Variants in RFNG observed in about 807,000 individuals in gnomAD.
RFNG encodes the protein beta-1,3-N-acetylglucosaminyltransferase radical fringe.
A neutral mutation model predicts 29.6 loss-of-function variants in RFNG; 37 were observed. That is an observed-to-expected ratio of 1.25 (90% confidence interval 0.96 to 1.65). The LOEUF is 1.65. RFNG is among the 40% of genes most tolerant of loss of function. RFNG has a pLI of 0.00. For missense variants in RFNG, 546 were observed against 457.0 expected, an observed-to-expected ratio of 1.19 and a Z score of -1.78; for synonymous variants, 276 against 197.3, an observed-to-expected ratio of 1.40 and a Z score of -3.34.
At position 82,051,758 on chromosome 17, in the gene RFNG, G is replaced by A; in HGVS notation, c.9C>T (p.Arg3=). Residue 3 remains arginine, a synonymous_variant, in exon 1 of 8, where the codon CGC becomes CGT. Transcript: ENST00000310496. The surrounding 1 kb of genome is among the most constrained non-coding windows in gnomAD (Gnocchi z 4.1). ...AGGCCCGGCACAGCGCCCCACGCGC[G>A]CGGCTCATGCGGCCGCCGGGACCCC... MS[R]ARGALCRACL... is the part of the protein sequence containing the mutation. 1 of 1,090,042 alleles carries A rather than the reference G, an allele frequency of 9.2e-7. No individual in the cohort carries two copies. The highest frequency in any genetic ancestry group is 5.7e-5 in the East Asian group (1 of 17,666). The allele number at this position is 1,090,042 out of a possible 1,614,324, so 67.5% of individuals were successfully genotyped here.
intron 7 of RFNG, 70 bp downstream of exon 7, chr17:82,048,961 C>A: frequency 1.3e-6 from 2 of 1,536,156 alleles, no homozygotes; most frequent in South Asian, 2.2e-5. Flanking sequence ...GGGTCAGGGC[C>A]GTGGGTAGAG....
At position 82,049,077 on chromosome 17, in the gene RFNG, C is replaced by T. The variant is rs201463115; in HGVS notation, c.868G>A (p.Val290Met). Reference sequence around the variant, plus strand: ...CTGAAGCCTCCAGCCACGTTCACCACGTTATGTGGGTTCTCAGGACCCCCA... The same window carrying T: ...CTGAAGCCTCCAGCCACGTTCACCATGTTATGTGGGTTCTCAGGACCCCCA... Reference protein sequence around the residue: ...SHGGPENPHNVVNVAGGFSLH... With the variant: ...SHGGPENPHNMVNVAGGFSLH... Residue 290 changes from valine (V) to methionine (M), a missense_variant, in exon 7 of 8, where the codon GTG becomes ATG. Physicochemically the swap from Val to Met is conservative, Grantham distance 21. Coordinates refer to ENST00000310496, the MANE Select transcript of RFNG (RefSeq NM_002917.2). The T allele has an allele frequency of 2.8e-5, 45 of 1,613,588 alleles. No homozygotes were observed. Among genetic ancestry groups the T allele is most frequent in the Admixed American group, 1.8e-4 (11 of 60,020 alleles).
chr17:82,050,088 C>A, intron 4 of RFNG, 82 bp from the exon 5 acceptor site: 1 of 1,226,270 alleles, frequency 8.2e-7, no homozygotes, highest in Non-Finnish European at 1.2e-6. Flanking sequence ...AGGCATCTTT[C>A]TTAAGCTGCC....
chr17:82,050,124 AG>A, intron 4 of RFNG, 118 bp from the exon 5 acceptor site: 2 of 973,708 alleles, frequency 2.1e-6, no homozygotes, highest in Non-Finnish European at 3.1e-6. Flanking sequence ...CCCAGGTAAC[AG>A]AAGCTTCTTG....
chr17:82,049,332 T>C, intron 6 of RFNG: 2 of 700,724 alleles, frequency 2.9e-6, no homozygotes, highest in Non-Finnish European at 5.2e-6. Flanking sequence ...ATCTGAAACC[T>C]CCAGGGCAAA....
chr17:82,048,994 C>G (rs140019414), intron 7 of RFNG, 37 bp downstream of exon 7: 10 of 1,591,488 alleles, frequency 6.3e-6, no homozygotes, highest in African/African-American at 1.5e-5. Flanking sequence ...AGAGCCCCTG[C>G]GGGGCCGAGG....
In RFNG at chr17:82,048,731, G is replaced by A. The variant is rs776812647; in HGVS notation, c.991C>T (p.Arg331Trp). 24 of 1,612,524 alleles carry A rather than the reference G, an allele frequency of 1.5e-5. No homozygotes were observed. The East Asian group carries it at 2.2e-4, about 15-fold the overall frequency. ...PRQKQGAPTS[R>W] is the part of the protein sequence containing the mutation. ...CTGGGTCGGGGTGGTTGGTGTCACC[G>A]AGAGGTCGGGGCGCCCTGTTTCTGC... Residue 331 changes from arginine (R) to tryptophan (W), a missense_variant, in exon 8 of 8, where the codon CGG (arginine) becomes TGG (tryptophan). Transcript: ENST00000310496.
At position 82,047,907 on chromosome 17, in the gene RFNG, T is replaced by A. The variant is rs2030033442; in HGVS notation, c.*819A>T. On this transcript the variant is annotated 3_prime_UTR_variant, in exon 8 of 8. Coordinates refer to ENST00000310496, the MANE Select transcript of RFNG (RefSeq NM_002917.2). The stretch of plus-strand genomic sequence containing the variant: ...TGACTAAGACAGGAGCCACGTGAAG[T>A]AAGAACAAAAGCTTTACTCGTGCTC... 1 of 151,854 alleles carries A rather than the reference T, an allele frequency of 6.6e-6. No homozygotes were observed. The highest frequency in any genetic ancestry group is 1.5e-5 in the Non-Finnish European group (1 of 67,990). 9.4% of individuals were successfully genotyped at this position (151,854 alleles called of 1,614,324 possible).
In RFNG at chr17:82,048,271, G is replaced by C. The variant is rs770381261; in HGVS notation, c.*455C>G. The C allele has an allele frequency of 8.5e-5, 17 of 200,828 alleles. No homozygotes were observed. Among genetic ancestry groups the C allele is most frequent in the Admixed American group, 5.9e-4 (11 of 18,684 alleles). 12.4% of individuals were successfully genotyped at this position (200,828 alleles called of 1,614,324 possible). A position where few individuals can be genotyped will look rare whatever the true frequency, so the allele number is the denominator to read the frequency against. ...CCGTGCACCCAGCCTGCGGCAGAGA[G>C]GGCGGCGTCCCCCACAAAGCCTGCC... is the stretch of plus-strand genomic sequence containing the variant. On this transcript the variant is annotated 3_prime_UTR_variant, in exon 8 of 8. Transcript: ENST00000310496.
At chr17:82,050,842 C>A in intron 2 of RFNG, 78 bp from the exon 3 acceptor site, 1 of 1,502,140 alleles carries the variant, frequency 6.7e-7, no homozygotes, top group Non-Finnish European at 9.1e-7. Context: ...CACCTGCCCC[C>A]AAGGGCCAGG....
chr17:82,051,061 C>A lies in RFNG; in HGVS notation c.316+233G>T. 1 of 1,379,052 alleles carries A rather than the reference C, an allele frequency of 7.3e-7. No individual in the cohort carries two copies. Among genetic ancestry groups the A allele is most frequent in the Non-Finnish European group, 9.3e-7 (1 of 1,072,026 alleles). 85.4% of individuals were successfully genotyped at this position (1,379,052 alleles called of 1,614,324 possible). A position where few individuals can be genotyped will look rare whatever the true frequency, so the allele number is the denominator to read the frequency against. ...GCTGGCGCTTCTTCAGGGGACGTGG[C>A]ACTAGCCCCACGCCCCGGGAAGCGG... On this transcript the variant is annotated intron_variant, in intron 2 of 7. Coordinates refer to ENST00000310496, the MANE Select transcript of RFNG (RefSeq NM_002917.2). The surrounding 1 kb of genome is among the most constrained non-coding windows in gnomAD (Gnocchi z 4.1).
rs1370761890 is a variant in RFNG, at chr17:82,048,490, G to C, written c.*236C>G. On this transcript the variant is annotated 3_prime_UTR_variant, in exon 8 of 8. Transcript: ENST00000310496. ...CAACCTTGGGGCTGGGTCGGGGGGAGGGGCACTGCGGCCCTGGCCATCAGC... is the reference window on the plus strand; with the variant it reads ...CAACCTTGGGGCTGGGTCGGGGGGACGGGCACTGCGGCCCTGGCCATCAGC... 16 of 557,520 alleles carry C rather than the reference G, an allele frequency of 2.9e-5. No homozygotes were observed. Among genetic ancestry groups the C allele is most frequent in the Non-Finnish European group, 5.2e-5 (16 of 308,834 alleles). The allele number at this position is 557,520 out of a possible 1,614,324, so 34.5% of individuals were successfully genotyped here.
chr17:82,050,174 C>T (rs946419148), intron 4 of RFNG, 168 bp from the exon 5 acceptor site: 10 of 786,952 alleles, frequency 1.3e-5, no homozygotes, highest in South Asian at 1.8e-5. Context: ...GCCATTGACC[C>T]GTAGCCTCCA....
In RFNG at chr17:82,051,656, C is replaced by A. The variant is rs1476622743; in HGVS notation, c.111G>T (p.Arg37=). The change falls in exon 1 of 8, where the codon CGG becomes CGT. Residue 37 remains arginine (R), a synonymous_variant. Coordinates refer to ENST00000310496, the MANE Select transcript of RFNG (RefSeq NM_002917.2). This position sits in a 1 kb window ranked among gnomAD's most constrained non-coding sequence, Gnocchi z 4.1. ...GCGCGCGCGGGGCCGGGGCGGGGGTCCGGGCCGGGGCGGGCGCGCGGGGCA... is the reference window on the plus strand; with the variant it reads ...GCGCGCGCGGGGCCGGGGCGGGGGTACGGGCCGGGGCGGGCGCGCGGGGCA... ...LPLPRAPAPA[R]TPAPAPRAPP... 1 of 1,019,406 alleles carries A rather than the reference C, an allele frequency of 9.8e-7. No individual in the cohort carries two copies. Among genetic ancestry groups the A allele is most frequent in the South Asian group, 4.6e-5 (1 of 21,716 alleles). 63.1% of individuals were successfully genotyped at this position (1,019,406 alleles called of 1,614,324 possible). A position where few individuals can be genotyped will look rare whatever the true frequency, so the allele number is the denominator to read the frequency against.
rs1598473958 is a variant in RFNG, at chr17:82,051,434, G to C, written c.267+66C>G. 1 of 1,364,224 alleles carries C rather than the reference G, an allele frequency of 7.3e-7. No homozygotes were observed. Among genetic ancestry groups the C allele is most frequent in the East Asian group, 3.1e-5 (1 of 32,552 alleles). The allele number at this position is 1,364,224 out of a possible 1,614,324, so 84.5% of individuals were successfully genotyped here. ...CGGAGCCTCCGGGGGCCTGGGCCGG[G>C]CCTAGACCCTGGGAGGCGGGGCGGG... On this transcript the variant is annotated intron_variant, in intron 1 of 7. Coordinates refer to ENST00000310496, the MANE Select transcript of RFNG (RefSeq NM_002917.2). The surrounding 1 kb of genome is among the most constrained non-coding windows in gnomAD (Gnocchi z 4.1).
intron 7 of RFNG, 59 bp from the exon 8 acceptor site, chr17:82,048,866 G>T: frequency 6.6e-7 from 1 of 1,522,536 alleles, no homozygotes; most frequent in Non-Finnish European, 9.1e-7. Flanking sequence ...GGGGGCCAGG[G>T]CCGTGGGCGG....
In RFNG at chr17:82,051,015, G is replaced by T; in HGVS notation, c.317-251C>A. 7.1e-7 allele frequency: 1 copy of T among 1,403,892 alleles called. No homozygotes were observed. Among genetic ancestry groups the T allele is most frequent in the Non-Finnish European group, 9.2e-7 (1 of 1,083,858 alleles). The allele number at this position is 1,403,892 out of a possible 1,614,324, so 87.0% of individuals were successfully genotyped here. ...GACGGAGGCAGCTCGCCCTGACCTG[G>T]CCTGGAAGGGCGGATTCCCTGCTGG... On this transcript the variant is annotated intron_variant, in intron 2 of 7. Coordinates refer to ENST00000310496, the MANE Select transcript of RFNG (RefSeq NM_002917.2). This position sits in a 1 kb window ranked among gnomAD's most constrained non-coding sequence, Gnocchi z 4.1.
At chr17:82,048,921 G>A (rs1261287582) in intron 7 of RFNG, 110 bp downstream of exon 7, 11 of 1,431,746 alleles carry the variant, frequency 7.7e-6, no homozygotes, top group African/African-American at 7.0e-5. Flanking sequence ...GAGAAGCCGG[G>A]GTCAGGGCCG....
intron 3 of RFNG, 21 bp downstream of exon 3, chr17:82,050,641 G>T (rs1214446438): frequency 1.9e-6 from 3 of 1,611,998 alleles, no homozygotes; most frequent in Non-Finnish European, 2.5e-6. Flanking sequence ...GCTCTCTGCG[G>T]GTCGGGTCAG....
Sources: gnomAD v4.1 joint callset for allele counts on GRCh38, gnomAD v4.1.1 for gene constraint, Gnocchi (gnomAD v3.1) non-coding constraint, MANE v1.5 for transcripts, NCBI Gene and HGNC (gene_info 2026-07-23, HGNC 2026-07-21) for gene names.